Variants in PLCE1 observed in about 807,000 individuals in gnomAD.
The protein encoded by PLCE1 is phospholipase C epsilon 1.
PLCE1 carries 119 observed loss-of-function variants against 242.8 expected under a neutral mutation model. The observed-to-expected ratio is 0.49, with a 90% CI of 0.42 to 0.57. The LOEUF (loss-of-function observed/expected upper bound fraction) is 0.57. Among genes scored for constraint, PLCE1 ranks in the 20% least tolerant of loss-of-function variants. PLCE1 has a pLI of 0.00. For missense variants in PLCE1, 2,441 were observed against 2,788.8 expected (o/e 0.88, Z 2.81); for synonymous variants, 945 against 1,017.4 (o/e 0.93, Z 1.35).
chr10:94,103,915 C>T (rs1302177185), intron 2 of PLCE1, among the ~76,000 whole-genome samples: 1 of 152,240 alleles, frequency 6.6e-6, no homozygotes, highest in Non-Finnish European at 1.5e-5. Context: ...CAAACTATCT[C>T]CTTTTTAAAG....
intron 3 of PLCE1, among the ~76,000 whole-genome samples, chr10:94,167,428 A>G (rs2047840878): frequency 6.6e-6 from 1 of 152,224 alleles, no homozygotes; most frequent in Non-Finnish European, 1.5e-5. Flanking sequence ...AGGGTGTTCC[A>G]TATGAACAAA....
chr10:94,227,085 C>T (rs2049971317), intron 4 of PLCE1: 2 of 489,770 alleles, frequency 4.1e-6, no homozygotes, highest in Non-Finnish European at 7.5e-6. Flanking sequence ...CCACGCTGGC[C>T]AGGCTGGTCT....
Position 94,220,376 on chromosome 10 carries a change from T to TTATATTCA in PLCE1, c.1810-6925_1810-6924insTCATATAT, listed in dbSNP as rs1234804837. Among the ~76,000 whole-genome samples the TTATATTCA allele has an allele frequency of 3.5e-3, 215 of 61,906 alleles. 1 individual carries two copies. The highest frequency in any genetic ancestry group is 0.033 in the Middle Eastern group (3 of 92). The allele number at this position is 61,906 out of a possible 152,430, so 40.6% of individuals were successfully genotyped here. A position where few individuals can be genotyped will look rare whatever the true frequency, so the allele number is the denominator to read the frequency against. ...AATAAAAGCTTAAAAACTAAACATT[T>TTATATTCA]TATATATATATATATATATATATAT... On this transcript the variant is annotated intron_variant, in intron 4 of 32. Transcript: ENST00000371380.
chr10:94,325,231 T>G, intron 32 of PLCE1, 127 bp downstream of exon 32: 2 of 720,544 alleles, frequency 2.8e-6, no homozygotes, highest in Non-Finnish European at 2.5e-6. Flanking sequence ...CAGGTAGGAA[T>G]GGGACCTTAA....
At position 94,270,530 on chromosome 10, in the gene PLCE1, C is replaced by A. The variant is rs769196439; in HGVS notation, c.4434C>A (p.Asp1478Glu). ...AIDRSAFINS[D>E]LPIIISIENH... is the part of the protein sequence containing the mutation. ...ATCGCAGTGCCTTCATCAACTCTGA[C>A]CTGCCAATCATCATATCGATTGAGA... Residue 1478 changes from aspartate (D) to glutamate (E), a missense_variant, in exon 18 of 33, where the codon GAC (aspartate) becomes GAA (glutamate). Physicochemically the swap from Asp to Glu is conservative, Grantham distance 45 (BLOSUM62 2). Transcript: ENST00000371380. 5.5e-5 allele frequency: 89 copies of A among 1,613,910 alleles called. No homozygotes were observed. Among genetic ancestry groups the A allele is most frequent in the Non-Finnish European group, 7.1e-5 (84 of 1,179,922 alleles).
chr10:94,060,050 T>C (rs1180303794), intron 2 of PLCE1, among the ~76,000 whole-genome samples: 2 of 152,222 alleles, frequency 1.3e-5, no homozygotes, highest in Non-Finnish European at 2.9e-5. Flanking sequence ...GAAAACAATA[T>C]CCACATGGAC....
intron 1 of PLCE1, among the ~76,000 whole-genome samples, chr10:94,010,107 A>ATG (rs1485872694): frequency 7.9e-5 from 12 of 152,142 alleles, no homozygotes; most frequent in African/African-American, 1.7e-4. Context: ...ACATCCTCTG[A>ATG]AATCTAGGGG....
intron 2 of PLCE1, among the ~76,000 whole-genome samples, chr10:94,071,144 A>C (rs1375332917): frequency 2.0e-5 from 3 of 152,098 alleles, no homozygotes; most frequent in Non-Finnish European, 2.9e-5. Context: ...TGTGAAATTA[A>C]CCCCTATTCC....
chr10:94,012,086 G>A (rs574910590), intron 1 of PLCE1, among the ~76,000 whole-genome samples: 6 of 152,226 alleles, frequency 3.9e-5, no homozygotes, highest in Admixed American at 1.3e-4. Context: ...AAGCTGCACC[G>A]TCCCAGGGTG....
At chr10:94,032,298 T>C (rs1299822972) in intron 2 of PLCE1, 46 bp downstream of exon 2, 1 of 1,589,042 alleles carries the variant, frequency 6.3e-7, no homozygotes, top group Non-Finnish European at 8.6e-7. Flanking sequence ...ACTTGCTTTT[T>C]TTTTCAAAAA....
chr10:94,087,368 AAAG>A (rs2044870576), intron 2 of PLCE1, among the ~76,000 whole-genome samples: 1 of 151,456 alleles, frequency 6.6e-6, no homozygotes, highest in Non-Finnish European at 1.5e-5. Flanking sequence ...AAAAAAAAAA[AAAG>A]AAAAATCATT....
At chr10:94,255,904 ACACACACACACTCT>A (rs1327506085) in intron 11 of PLCE1, among the ~76,000 whole-genome samples, 2 of 98,816 alleles carry the variant, frequency 2.0e-5, no homozygotes. Flanking sequence ...ACACACACAC[ACACACACACACTCT>A]CTCTCTCTCT....
intron 2 of PLCE1, among the ~76,000 whole-genome samples, chr10:94,087,411 C>A (rs900121459): frequency 6.6e-6 from 1 of 151,284 alleles, no homozygotes; most frequent in African/African-American, 2.4e-5. Flanking sequence ...TGCAAGGAAC[C>A]CTAGAGCCCA....
In PLCE1 at chr10:94,332,376, C is replaced by T. The variant is rs1180803378; in HGVS notation, c.*4433C>T. 2 of 152,180 alleles carry T rather than the reference C, an allele frequency of 1.3e-5. No individual in the cohort carries two copies. Among genetic ancestry groups the T allele is most frequent in the Non-Finnish European group, 2.9e-5 (2 of 68,048 alleles). The allele number at this position is 152,180 out of a possible 1,614,324, so 9.4% of individuals were successfully genotyped here. A position where few individuals can be genotyped will look rare whatever the true frequency, so the allele number is the denominator to read the frequency against. ...AGCATGGAAGACTGAGGTTGTCTTA[C>T]ACCCATTATTTCCCACCCCACTCTT... On this transcript the variant is annotated 3_prime_UTR_variant, in exon 33 of 33. Coordinates refer to ENST00000371380, the MANE Select transcript of PLCE1 (RefSeq NM_016341.4).
chr10:94,280,874 C>T (rs551577552), intron 20 of PLCE1, among the ~76,000 whole-genome samples: 2 of 152,294 alleles, frequency 1.3e-5, no homozygotes, highest in South Asian at 4.1e-4. Context: ...TTGTGAGCCT[C>T]CATCACTGGT....
intron 2 of PLCE1, among the ~76,000 whole-genome samples, chr10:94,070,372 C>T (rs2135095190): frequency 6.6e-6 from 1 of 152,256 alleles, no homozygotes; most frequent in East Asian, 1.9e-4. Flanking sequence ...ATGTTAAGAA[C>T]ATTAGTGTAA....
chr10:94,227,777 C>T (rs2049997885), intron 5 of PLCE1, among the ~76,000 whole-genome samples: 1 of 152,174 alleles, frequency 6.6e-6, no homozygotes, highest in African/African-American at 2.4e-5. Flanking sequence ...GTAAACCCCA[C>T]TGTTATCTGT....
chr10:94,115,649 A>G (rs1425613902), intron 2 of PLCE1, among the ~76,000 whole-genome samples: 1 of 152,084 alleles, frequency 6.6e-6, no homozygotes, highest in African/African-American at 2.4e-5. Context: ...GTTCATTGTA[A>G]GTTCTGGATA....
chr10:94,232,470 A>T (rs1004188106), intron 5 of PLCE1, among the ~76,000 whole-genome samples: 1 of 152,092 alleles, frequency 6.6e-6, no homozygotes, highest in African/African-American at 2.4e-5. Flanking sequence ...ATGGGAAAGG[A>T]TGGGGATAGA....
Sources: gnomAD v4.1 joint callset for allele counts (sites outside exome capture counted in the v4.1 genomes callset) on GRCh38, gnomAD v4.1.1 for gene constraint, MANE v1.5 for transcripts, NCBI Gene and HGNC (gene_info 2026-07-23, HGNC 2026-07-21) for gene names.